Variants in NPAS3 observed in about 807,000 individuals in gnomAD.
NPAS3 encodes neuronal PAS domain-containing protein 3.
NPAS3 carries 14 observed loss-of-function variants against 73.1 expected under a neutral mutation model. That is an observed-to-expected ratio of 0.19 (90% CI 0.13 to 0.30). NPAS3 has a LOEUF of 0.30. NPAS3 is among the 10% of genes least tolerant of loss of function. NPAS3 has a pLI of 1.00. For synonymous variants in NPAS3, 620 were observed against 541.5 expected, an observed-to-expected ratio of 1.14 and a Z score of -2.01; for missense variants, 1,096 against 1,250.0, an observed-to-expected ratio of 0.88 and a Z score of 1.86.
chr14:33,440,759 G>A (rs1233112487), intron 4 of NPAS3, among the ~76,000 whole-genome samples: 4 of 152,086 alleles, frequency 2.6e-5, no homozygotes, highest in Non-Finnish European at 5.9e-5. Context: ...TGGGTGTGGT[G>A]GAAGACGCCT....
intron 4 of NPAS3, among the ~76,000 whole-genome samples, chr14:33,444,650 A>C (rs1349177435): frequency 6.6e-6 from 1 of 152,262 alleles, no homozygotes; most frequent in Non-Finnish European, 1.5e-5. Context: ...GATGGAGTCC[A>C]TGTGGATCGG....
chr14:33,549,723 C>T (rs2055019537), intron 4 of NPAS3, among the ~76,000 whole-genome samples: 1 of 152,168 alleles, frequency 6.6e-6, no homozygotes, highest in East Asian at 1.9e-4. Context: ...CGTTTACCTT[C>T]AAGGCAGTCA....
At chr14:33,180,802 G>T (rs3057503) in intron 2 of NPAS3, among the ~76,000 whole-genome samples, 5,276 of 74,640 alleles carry the variant, frequency 0.071, 192 homozygotes, top group Middle Eastern at 0.12. Context: ...CTGTCTCCAA[G>T]AAAAAAAAAA....
chr14:33,638,066 C>G (rs1268655049), intron 5 of NPAS3, among the ~76,000 whole-genome samples: 1 of 152,146 alleles, frequency 6.6e-6, no homozygotes, highest in Non-Finnish European at 1.5e-5. Context: ...ACTGAGCAGA[C>G]TTATTTTTGA....
chr14:33,301,797 C>T (rs773288709), intron 3 of NPAS3, among the ~76,000 whole-genome samples: 2 of 152,162 alleles, frequency 1.3e-5, no homozygotes, highest in African/African-American at 2.4e-5. Flanking sequence ...ATTTTTCTTA[C>T]GTTATACATC....
At chr14:33,348,304 A>G (rs529475193) in intron 3 of NPAS3, among the ~76,000 whole-genome samples, 2 of 152,290 alleles carry the variant, frequency 1.3e-5, no homozygotes, top group South Asian at 4.2e-4. Flanking sequence ...CCTCAGCACC[A>G]GCAAAAATGA....
chr14:33,182,042 A>G lies in NPAS3; in HGVS notation c.141-33140A>G, dbSNP rs2045816616. On this transcript the variant is annotated intron_variant, in intron 2 of 11. Transcript: ENST00000356141. ...TTATAGTATAGTACATTATTTAATGACAGGATCTTTCTTTTTGAAATCTTC... is the reference window on the plus strand; with the variant it reads ...TTATAGTATAGTACATTATTTAATGGCAGGATCTTTCTTTTTGAAATCTTC... 2.6e-5 allele frequency among the ~76,000 whole-genome samples: 4 copies of G among 152,300 alleles called. No homozygotes were observed. The South Asian group carries it at 6.2e-4, about 24-fold the overall frequency.
At chr14:33,525,682 GA>G (rs942494448) in intron 4 of NPAS3, among the ~76,000 whole-genome samples, 1 of 152,062 alleles carries the variant, frequency 6.6e-6, no homozygotes, top group Non-Finnish European at 1.5e-5. Context: ...CCAGAAGGGA[GA>G]AGCTTTGAGA....
At chr14:33,172,666 G>A (rs978089142) in intron 2 of NPAS3, among the ~76,000 whole-genome samples, 1 of 151,964 alleles carries the variant, frequency 6.6e-6, no homozygotes, top group African/African-American at 2.4e-5. Context: ...AACCTTGGAG[G>A]CGGAGGTTAC....
In NPAS3 at chr14:33,800,574, G is replaced by A. The variant is rs937703758; in HGVS notation, c.2267G>A (p.Arg756Gln). 2.3e-6 allele frequency: 3 copies of A among 1,306,532 alleles called. No homozygotes were observed. The highest frequency in any genetic ancestry group is 3.2e-5 in the East Asian group (1 of 30,944). The allele number at this position is 1,306,532 out of a possible 1,614,324, so 80.9% of individuals were successfully genotyped here. Residue 756 changes from arginine (R) to glutamine (Q), a missense_variant, in exon 12 of 12, where the codon CGG becomes CAG. Transcript: ENST00000356141. This position sits in a 1 kb window ranked among gnomAD's most constrained non-coding sequence, Gnocchi z 6.5. The stretch of plus-strand genomic sequence containing the variant: ...TCACCCCCGCTCTCGGCGTCCCCGC[G>A]GGACAAGCACCCCGGGAACGGCGGC...
At chr14:33,675,597 G>A (rs1420597137) in intron 5 of NPAS3, among the ~76,000 whole-genome samples, 4 of 152,292 alleles carry the variant, frequency 2.6e-5, no homozygotes, top group Middle Eastern at 3.4e-3. Flanking sequence ...GACCCCAGCT[G>A]ACCTCTTTTG....
chr14:32,936,930 C>CTT (rs35877969), upstream of NPAS3, among the ~76,000 whole-genome samples: 739 of 139,762 alleles, frequency 5.3e-3, 3 homozygotes, highest in African/African-American at 6.4e-3. Flanking sequence ...AAGACTAAGG[C>CTT]TTTTTTTTTT....
rs1280506046 is a variant in NPAS3 at position 33,774,550 on chromosome 14, A to G, written c.1046+20A>G. ...AAATAGGTACTTTGTTTTTGTTTTC[A>G]TTTGCCCTGTTGCACGTTGCACATT... On this transcript the variant is annotated intron_variant, in intron 8 of 11. Coordinates refer to ENST00000356141, the Ensembl canonical transcript of NPAS3. 6.2e-7 allele frequency: 1 copy of G among 1,602,720 alleles called. No individual in the cohort carries two copies. The highest frequency in any genetic ancestry group is 1.1e-5 in the South Asian group (1 of 90,540).
At chr14:33,357,299 G>C (rs143607577) in intron 3 of NPAS3, among the ~76,000 whole-genome samples, 2,229 of 152,290 alleles carry the variant, frequency 0.015, 64 homozygotes, top group African/African-American at 0.051. Flanking sequence ...ATTACTGCTG[G>C]AATAGGGCAT....
At chr14:33,144,437 T>C (rs17100235) in intron 2 of NPAS3, among the ~76,000 whole-genome samples, 3,907 of 152,358 alleles carry the variant, frequency 0.026, 187 homozygotes, top group African/African-American at 0.089. Context: ...TTTTCATCAG[T>C]TGCTGAGACA....
At chr14:33,604,659 C>T (rs1458177325) in intron 5 of NPAS3, among the ~76,000 whole-genome samples, 2 of 152,066 alleles carry the variant, frequency 1.3e-5, no homozygotes, top group Non-Finnish European at 2.9e-5. Flanking sequence ...ACACATTCTT[C>T]TCAAGTGCAC....
chr14:33,078,850 T>C (rs1267345687), intron 2 of NPAS3, among the ~76,000 whole-genome samples: 1 of 152,230 alleles, frequency 6.6e-6, no homozygotes, highest in Non-Finnish European at 1.5e-5. Context: ...TTATGTTGCT[T>C]AAACCAGTAA....
intron 10 of NPAS3, among the ~76,000 whole-genome samples, chr14:33,794,547 T>C (rs2063456133): frequency 6.6e-6 from 1 of 152,152 alleles, no homozygotes; most frequent in South Asian, 2.1e-4. Flanking sequence ...GCATTAAAGT[T>C]TCGGTAAACA....
chr14:33,224,127 G>A (rs912971144), intron 3 of NPAS3, among the ~76,000 whole-genome samples: 7 of 152,104 alleles, frequency 4.6e-5, no homozygotes, highest in Non-Finnish European at 1.0e-4. Flanking sequence ...TTGTGGTTTT[G>A]CATTATACTG....
Sources: gnomAD v4.1 joint callset for allele counts (sites outside exome capture counted in the v4.1 genomes callset) on GRCh38, gnomAD v4.1.1 for gene constraint, Gnocchi (gnomAD v3.1) non-coding constraint, MANE v1.5 for transcripts, NCBI Gene and HGNC (gene_info 2026-07-23, HGNC 2026-07-21) for gene names.